Variants in METTL15 observed in about 807,000 individuals in gnomAD.
METTL15 encodes the protein 12S rRNA N(4)-cytidine methyltransferase METTL15.
Under a neutral mutation model 38.3 loss-of-function variants are expected in METTL15, and 34 were observed. That is an observed-to-expected ratio of 0.89 (90% CI 0.68 to 1.18). METTL15 has a LOEUF of 1.18. Among genes scored for constraint, METTL15 ranks in the 50% most tolerant of loss-of-function variants. The probability of loss-of-function intolerance (pLI) is 0.00; values close to 1 mark genes in which losing one functional copy is unlikely to be tolerated. For synonymous variants in METTL15, 162 were observed against 170.9 expected (o/e 0.95, Z 0.41); for missense variants, 438 against 498.4 (o/e 0.88, Z 1.15).
At chr11:28,151,016 A>G (rs1850067501) in intron 3 of METTL15, among the ~76,000 whole-genome samples, 1 of 151,190 alleles carries the variant, frequency 6.6e-6, no homozygotes, top group African/African-American at 2.4e-5. Context: ...CAAAAAAAAA[A>G]AAAAAAAAAG....
At chr11:28,240,107 T>C (rs1394855350) in intron 4 of METTL15, among the ~76,000 whole-genome samples, 1 of 152,170 alleles carries the variant, frequency 6.6e-6, no homozygotes, top group Non-Finnish European at 1.5e-5. Context: ...CATGATCTAT[T>C]GCACTATAAA....
intron 6 of METTL15, among the ~76,000 whole-genome samples, chr11:28,320,655 T>C (rs1278294702): frequency 6.6e-6 from 1 of 152,052 alleles, no homozygotes; most frequent in Non-Finnish European, 1.5e-5. Context: ...AATGCATTCT[T>C]AAAATGCCCA....
chr11:28,334,147 A>G (rs181593325), downstream of METTL15, among the ~76,000 whole-genome samples: 163 of 152,144 alleles, frequency 1.1e-3, no homozygotes, highest in African/African-American at 2.1e-3. Context: ...TTAGGAAGAA[A>G]TAAAAAAATA....
chr11:28,430,116 C>T (rs1850903907), intron 6 of METTL15, among the ~76,000 whole-genome samples: 1 of 151,182 alleles, frequency 6.6e-6, no homozygotes, highest in Non-Finnish European at 1.5e-5. Context: ...AGACCCTCTG[C>T]CTGGCAACCA....
At position 28,381,344 on chromosome 11, in the gene METTL15, A is replaced by T. The variant is rs1007306946; in HGVS notation, c.*358+19308A>T. The stretch of plus-strand genomic sequence containing the variant: ...GTTTTATTATTATATGCCTTAGGAT[A>T]CTTTTATTTGGTTGATTCTCTTTGG... On this transcript the variant is annotated intron_variant and NMD_transcript_variant, in intron 5 of 7. Transcript: ENST00000532947. Among the ~76,000 whole-genome samples, 4 of 152,140 alleles carry T rather than the reference A, an allele frequency of 2.6e-5. No individual in the cohort carries two copies. In the East Asian group the frequency reaches 7.7e-4, roughly 29 times the overall value.
chr11:28,312,813 C>G (rs1297549204), intron 6 of METTL15, among the ~76,000 whole-genome samples: 2 of 152,086 alleles, frequency 1.3e-5, no homozygotes, highest in African/African-American at 4.8e-5. Context: ...GAGTTCACTT[C>G]CTCAAAAACT....
At chr11:28,423,679 G>C (rs1044010891) in intron 5 of METTL15, among the ~76,000 whole-genome samples, 1 of 151,920 alleles carries the variant, frequency 6.6e-6, no homozygotes, top group African/African-American at 2.4e-5. Context: ...GAGATAGAGA[G>C]TAGAAGGATG....
chr11:28,439,081 C>G (rs2133438872), intron 6 of METTL15, among the ~76,000 whole-genome samples: 1 of 151,254 alleles, frequency 6.6e-6, no homozygotes, highest in Non-Finnish European at 1.5e-5. Context: ...CCAGCAGAGG[C>G]AGAAAAGTGG....
intron 6 of METTL15, among the ~76,000 whole-genome samples, chr11:28,520,821 T>C (rs1157492554): frequency 1.3e-5 from 2 of 152,244 alleles, no homozygotes; most frequent in East Asian, 3.8e-4. Context: ...TGGGTGGTGA[T>C]ATCAATTAAC....
At chr11:28,514,211 A>G (rs1564953143) in intron 6 of METTL15, among the ~76,000 whole-genome samples, 1 of 152,232 alleles carries the variant, frequency 6.6e-6, no homozygotes, top group Non-Finnish European at 1.5e-5. Context: ...GGGGATGGGC[A>G]GAAACCATAG....
At chr11:28,283,713 G>A (rs978950589) in intron 4 of METTL15, among the ~76,000 whole-genome samples, 5 of 152,080 alleles carry the variant, frequency 3.3e-5, no homozygotes, top group African/African-American at 9.7e-5. Flanking sequence ...CTACAACCAA[G>A]GTATTGTTTG....
chr11:28,489,074 C>T (rs1337434637), intron 6 of METTL15, among the ~76,000 whole-genome samples: 1 of 152,168 alleles, frequency 6.6e-6, no homozygotes, highest in African/African-American at 2.4e-5. Context: ...CGATAGAGCT[C>T]TTCAAGCAAT....
At chr11:28,282,689 C>A (rs1856100496) in intron 4 of METTL15, among the ~76,000 whole-genome samples, 1 of 152,140 alleles carries the variant, frequency 6.6e-6, no homozygotes, top group Admixed American at 6.5e-5. Context: ...TACTTTGAAA[C>A]AAGACCACTC....
intron 4 of METTL15, among the ~76,000 whole-genome samples, chr11:28,223,106 C>T (rs1853317494): frequency 6.6e-6 from 1 of 152,002 alleles, no homozygotes; most frequent in East Asian, 1.9e-4. Flanking sequence ...GAATCTTTTC[C>T]ATCTAAGTAA....
intron 3 of METTL15, among the ~76,000 whole-genome samples, chr11:28,178,993 T>C (rs2133778427): frequency 6.6e-6 from 1 of 151,914 alleles, no homozygotes; most frequent in African/African-American, 2.4e-5. Context: ...TATTTTCTTC[T>C]TGCACTTTGT....
At chr11:28,397,997 C>G (rs1025415428) in intron 5 of METTL15, among the ~76,000 whole-genome samples, 2 of 151,676 alleles carry the variant, frequency 1.3e-5, no homozygotes, top group African/African-American at 4.8e-5. Flanking sequence ...GACAAAAAAC[C>G]AAAACACCGC....
intron 6 of METTL15, among the ~76,000 whole-genome samples, chr11:28,321,940 T>C (rs929841105): frequency 2.0e-5 from 3 of 152,032 alleles, no homozygotes; most frequent in Non-Finnish European, 2.9e-5. Context: ...AAGAGGGTAC[T>C]TCAAATGGGT....
chr11:28,427,617 G>T (rs1399932889), intron 6 of METTL15, among the ~76,000 whole-genome samples: 27 of 152,084 alleles, frequency 1.8e-4, no homozygotes, highest in Non-Finnish European at 7.4e-5. Flanking sequence ...TTTGAGCAGT[G>T]GTTTGTAGTT....
At chr11:28,199,779 G>T (rs1035107747) in intron 3 of METTL15, among the ~76,000 whole-genome samples, 5 of 148,288 alleles carry the variant, frequency 3.4e-5, no homozygotes, top group Non-Finnish European at 5.9e-5. Flanking sequence ...TCTCGCTCTT[G>T]TCACCCAGGC....
Sources: allele counts gnomAD v4.1 joint callset (sites outside exome capture counted in the v4.1 genomes callset), GRCh38; gene constraint gnomAD v4.1.1; transcripts MANE v1.5; gene names NCBI Gene and HGNC (gene_info 2026-07-23, HGNC 2026-07-21).